Variants in NOP16 observed in about 807,000 individuals in gnomAD.
NOP16 encodes nucleolar protein 16.
Under a neutral mutation model 22.7 loss-of-function variants are expected in NOP16, and 14 were observed. That is an observed-to-expected ratio of 0.62 (90% confidence interval 0.41 to 0.97). The LOEUF is 0.97. Ranked by LOEUF, NOP16 falls within the 50% of genes least tolerant of loss-of-function variation. The pLI is 0.00. For missense variants in NOP16, 198 were observed against 235.9 expected, an observed-to-expected ratio of 0.84 and a Z score of 1.05; for synonymous variants, 80 against 83.6, an observed-to-expected ratio of 0.96 and a Z score of 0.23.
At chr5:176,386,060 G>C (rs1285200448) in intron 3 of NOP16, 1 of 152,868 alleles carries the variant, frequency 6.5e-6, no homozygotes, top group African/African-American at 2.4e-5. Context: ...AATGGGTATA[G>C]TTTCAGTTTT....
chr5:176,385,243 T>C lies in NOP16; in HGVS notation c.371A>G (p.Glu124Gly), dbSNP rs757323676. ...DLIDYVRYMV[E>G]NHGEDYKAMA... ...CACCTTATAGTCCTCCCCGTGGTTC[T>C]CTACCATGTAGCGTACATAGTCAAT... Residue 124 changes from glutamate (E) to glycine (G), a missense_variant, in exon 4 of 5, where the codon GAG (glutamate) becomes GGG (glycine). By Grantham distance (98) the Glu-to-Gly change is moderately conservative. Transcript: ENST00000614830. 4 of 1,610,184 alleles carry C rather than the reference T, an allele frequency of 2.5e-6. No individual in the cohort carries two copies. The highest frequency in any genetic ancestry group is 3.3e-5 in the Admixed American group (2 of 60,014).
At position 176,384,082 on chromosome 5, in the gene NOP16, G is replaced by C. The variant is rs540517519; in HGVS notation, c.*149C>G. ...AGAACAGTTCCTTCCCCAGAGCGGGGAGTGTGCACGTGTGTGTGTAACCTT... is the reference window on the plus strand; with the variant it reads ...AGAACAGTTCCTTCCCCAGAGCGGGCAGTGTGCACGTGTGTGTGTAACCTT... On this transcript the variant is annotated 3_prime_UTR_variant, in exon 5 of 5. Transcript: ENST00000614830. 3 of 1,595,464 alleles carry C rather than the reference G, an allele frequency of 1.9e-6. No homozygotes were observed. The highest frequency in any genetic ancestry group is 2.3e-5 in the East Asian group (1 of 44,204).
chr5:176,387,591 C>A (rs1156565909), intron 2 of NOP16, among the ~76,000 whole-genome samples: 1 of 150,724 alleles, frequency 6.6e-6, no homozygotes, highest in Admixed American at 6.6e-5. Flanking sequence ...GTGTTATACC[C>A]ATTTTATAGA....
Position 176,387,904 on chromosome 5 carries a change from A to G in NOP16, c.216+331T>C, listed in dbSNP as rs151144933. Among the ~76,000 whole-genome samples, 52 of 152,342 alleles carry G rather than the reference A, an allele frequency of 3.4e-4. No homozygotes were observed. The East Asian group carries it at 5.4e-3, about 16-fold the overall frequency. On this transcript the variant is annotated intron_variant, in intron 2 of 4. Transcript: ENST00000614830. ...TGAATAACAAAGAAAAGGTGTAAGT[A>G]AAGATCTCCAACTCTTAGGGAGTAC...
chr5:176,386,037 T>C (rs1488293360), intron 3 of NOP16: 1 of 152,576 alleles, frequency 6.6e-6, no homozygotes, highest in Non-Finnish European at 1.5e-5. Flanking sequence ...TAGAGGAAGA[T>C]GGGGAGTTGT....
At chr5:176,387,078 CTT>C (rs370678945) in intron 2 of NOP16, 169 bp from the exon 3 acceptor site, 23 of 237,426 alleles carry the variant, frequency 9.7e-5, no homozygotes, top group East Asian at 2.4e-4. Flanking sequence ...CTCTCTCTCT[CTT>C]TTTTTTTTTC....
At position 176,388,165 on chromosome 5, in the gene NOP16, C is replaced by T; in HGVS notation, c.216+70G>A. ...GGGAAGGAATGGGCAGTACCACGTT[C>T]TGACACCTAGGTCAGTATGGCGGGG... On this transcript the variant is annotated intron_variant, in intron 2 of 4. Coordinates refer to ENST00000614830, the MANE Select transcript of NOP16 (RefSeq NM_016391.8). The T allele has an allele frequency of 2.5e-6, 3 of 1,201,446 alleles. No individual in the cohort carries two copies. The South Asian group carries it at 3.9e-5, about 16-fold the overall frequency. 74.4% of individuals were successfully genotyped at this position (1,201,446 alleles called of 1,614,324 possible).
chr5:176,388,361 C>A lies in NOP16; in HGVS notation c.108-18G>T. Reference sequence around the variant, plus strand: ...TGTGGGAGCTACCGGCAAAGAGAGACATCGCGGATCCGTCATCTCGCGGAC... The same window carrying A: ...TGTGGGAGCTACCGGCAAAGAGAGAAATCGCGGATCCGTCATCTCGCGGAC... On this transcript the variant is annotated intron_variant, in intron 1 of 4. Coordinates refer to ENST00000614830, the MANE Select transcript of NOP16 (RefSeq NM_016391.8). 1 of 1,613,384 alleles carries A rather than the reference C, an allele frequency of 6.2e-7. No homozygotes were observed. The highest frequency in any genetic ancestry group is 8.5e-7 in the Non-Finnish European group (1 of 1,179,262).
intron 4 of NOP16, chr5:176,384,870 G>T: frequency 2.0e-6 from 1 of 495,486 alleles, no homozygotes; most frequent in Non-Finnish European, 3.6e-6. Context: ...TCCTACTTGG[G>T]CCCAGGGGTC....
In NOP16 at chr5:176,388,454, T is replaced by C; in HGVS notation, c.86A>G (p.Lys29Arg). 6.2e-7 allele frequency: 1 copy of C among 1,614,184 alleles called. No individual in the cohort carries two copies. The highest frequency in any genetic ancestry group is 2.2e-5 in the East Asian group (1 of 44,892). Residue 29 changes from lysine to arginine, a missense_variant, in exon 1 of 5, where the codon AAG (lysine) becomes AGG (arginine). By Grantham distance (26) the Lys-to-Arg change is conservative. Transcript: ENST00000614830. ...RKRLNRNARR[K>R]AAPRIECSHI... ...TCACCATTCGATCCGCGGCGCTGCC[T>C]TCCGTCGAGCATTCCGGTTCAGACG...
intron 3 of NOP16, 53 bp from the exon 4 acceptor site, chr5:176,385,380 C>T: frequency 8.3e-6 from 9 of 1,088,120 alleles, no homozygotes; most frequent in Non-Finnish European, 1.3e-5. Context: ...GCTTTCTGTG[C>T]TCTTTGAGCT....
chr5:176,386,154 G>A (rs1755828921), intron 3 of NOP16: 1 of 156,012 alleles, frequency 6.4e-6, no homozygotes, highest in Non-Finnish European at 1.4e-5. Flanking sequence ...TGGTTAGGAT[G>A]GTAACTTTTA....
chr5:176,387,031 G>A, intron 2 of NOP16, 122 bp from the exon 3 acceptor site: 1 of 792,196 alleles, frequency 1.3e-6, no homozygotes, highest in Non-Finnish European at 2.1e-6. Flanking sequence ...GGTAGAAGTA[G>A]GTAACAATGA....
At chr5:176,387,450 G>A (rs1561783974) in intron 2 of NOP16, among the ~76,000 whole-genome samples, 1 of 152,206 alleles carries the variant, frequency 6.6e-6, no homozygotes, top group African/African-American at 2.4e-5. Flanking sequence ...AATGGGCTTC[G>A]CGAATGAATT....
chr5:176,385,732 A>C (rs1419284716), intron 3 of NOP16, among the ~76,000 whole-genome samples: 1 of 152,188 alleles, frequency 6.6e-6, no homozygotes, highest in Non-Finnish European at 1.5e-5. Flanking sequence ...GTATTATTGC[A>C]ACACATGAAA....
At chr5:176,387,074 CT>C in intron 2 of NOP16, 165 bp from the exon 3 acceptor site, 1 of 543,384 alleles carries the variant, frequency 1.8e-6, no homozygotes, top group Non-Finnish European at 3.3e-6. Context: ...TTCTCTCTCT[CT>C]CTCTTTTTTT....
rs149911333 is a variant in NOP16, at chr5:176,388,179, A to C, written c.216+56T>G. On this transcript the variant is annotated intron_variant, in intron 2 of 4. Transcript: ENST00000614830. ...AGTACCACGTTCTGACACCTAGGTC[A>C]GTATGGCGGGGGAAGAGTAAAGAAG... The C allele has an allele frequency of 5.3e-6, 7 of 1,317,936 alleles. No individual in the cohort carries two copies. The East Asian group carries it at 1.6e-4, about 31-fold the overall frequency. 81.6% of individuals were successfully genotyped at this position (1,317,936 alleles called of 1,614,324 possible).
At chr5:176,388,180 G>C (rs1294689366) in intron 2 of NOP16, 55 bp downstream of exon 2, 4 of 1,344,822 alleles carry the variant, frequency 3.0e-6, no homozygotes, top group Non-Finnish European at 4.2e-6. Flanking sequence ...ACCTAGGTCA[G>C]TATGGCGGGG....
intron 3 of NOP16, 144 bp from the exon 4 acceptor site, chr5:176,385,471 A>C: frequency 1.6e-6 from 1 of 616,472 alleles, no homozygotes; most frequent in Non-Finnish European, 2.9e-6. Flanking sequence ...CCCCATTCCC[A>C]AATCCATTGT....
Sources: gnomAD v4.1 joint callset for allele counts (sites outside exome capture counted in the v4.1 genomes callset) on GRCh38, gnomAD v4.1.1 for gene constraint, MANE v1.5 for transcripts, NCBI Gene and HGNC (gene_info 2026-07-23, HGNC 2026-07-21) for gene names.